DLG2: variants seen among roughly 807,000 people sequenced by gnomAD.
DLG2 encodes disks large homolog 2.
Under a neutral mutation model 132.5 loss-of-function variants are expected in DLG2, and 45 were observed. The ratio of observed to expected loss-of-function variants is 0.34; its 90% CI spans 0.27 to 0.44. The LOEUF is 0.44. Ranked by LOEUF, DLG2 falls within the 20% of genes least tolerant of loss-of-function variation. DLG2 has a pLI of 1.00. For missense variants in DLG2, 1,045 were observed against 1,196.9 expected, an observed-to-expected ratio of 0.87 and a Z score of 1.87; for synonymous variants, 424 against 419.6, an observed-to-expected ratio of 1.01 and a Z score of -0.13.
rs2090934003 is a variant in DLG2, at chr11:85,428,481, A to T, written c.41-143116T>A. On this transcript the variant is annotated intron_variant, in intron 3 of 27. Coordinates refer to ENST00000376104, the MANE Select transcript of DLG2 (RefSeq NM_001142699.3). Reference sequence around the variant, plus strand: ...ACTCAGGATTAAGAAACTCACTCAAAACCACATAACTACATGGAAACTGAA... The same window carrying T: ...ACTCAGGATTAAGAAACTCACTCAATACCACATAACTACATGGAAACTGAA... Among the ~76,000 whole-genome samples the T allele has an allele frequency of 3.9e-5, 6 of 152,330 alleles. No individual in the cohort carries two copies. The South Asian group carries it at 1.2e-3, about 32-fold the overall frequency.
chr11:84,666,005 T>G (rs935266300), intron 6 of DLG2, among the ~76,000 whole-genome samples: 1 of 152,160 alleles, frequency 6.6e-6, no homozygotes, highest in South Asian at 2.1e-4. Context: ...GTAGAACAAT[T>G]TCTCTAGCAT....
chr11:85,502,826 A>G (rs1291139928), intron 3 of DLG2, among the ~76,000 whole-genome samples: 4 of 152,160 alleles, frequency 2.6e-5, no homozygotes, highest in Admixed American at 1.3e-4. Flanking sequence ...ATTTTTAAAA[A>G]AGAAATATAC....
chr11:84,976,534 T>G (rs1424455702), intron 6 of DLG2, among the ~76,000 whole-genome samples: 1 of 152,144 alleles, frequency 6.6e-6, no homozygotes, highest in Non-Finnish European at 1.5e-5. Flanking sequence ...ATTTTTAAAT[T>G]TTCTTATCTT....
intron 6 of DLG2, among the ~76,000 whole-genome samples, chr11:84,538,079 T>A (rs1159488283): frequency 6.6e-6 from 1 of 152,216 alleles, no homozygotes; most frequent in African/African-American, 2.4e-5. Flanking sequence ...GACCATAAAT[T>A]ACTGAGTTAT....
chr11:83,813,500 G>T (rs773700770), intron 17 of DLG2, among the ~76,000 whole-genome samples: 1 of 152,052 alleles, frequency 6.6e-6, no homozygotes, highest in Non-Finnish European at 1.5e-5. Flanking sequence ...AGTGACACAA[G>T]GCCTTTTCAC....
chr11:84,626,062 G>A (rs1391974304), intron 6 of DLG2, among the ~76,000 whole-genome samples: 1 of 152,060 alleles, frequency 6.6e-6, no homozygotes, highest in Non-Finnish European at 1.5e-5. Flanking sequence ...ATTGAGGACC[G>A]ACTCTTTTGA....
chr11:84,859,443 TAC>T (rs532982808), intron 6 of DLG2, among the ~76,000 whole-genome samples: 3 of 145,264 alleles, frequency 2.1e-5, no homozygotes, highest in African/African-American at 7.6e-5. Flanking sequence ...TATGTATATA[TAC>T]ATACATATAT....
Position 85,216,515 on chromosome 11 carries a change from G to T in DLG2, c.187-61864C>A, listed in dbSNP as rs1300562024. ...GTATGCAGTTATGGGAGATTCCTAG[G>T]AAAGTTATACAGGTTCCATACTGCA... On this transcript the variant is annotated intron_variant, in intron 4 of 27. Coordinates refer to ENST00000376104, the MANE Select transcript of DLG2 (RefSeq NM_001142699.3). Among the ~76,000 whole-genome samples the T allele has an allele frequency of 3.3e-5, 5 of 152,194 alleles. No individual in the cohort carries two copies. In the East Asian group the frequency reaches 9.6e-4, roughly 29 times the overall value.
At chr11:83,548,806 C>T (rs77442468) in intron 19 of DLG2, among the ~76,000 whole-genome samples, 1 of 152,068 alleles carries the variant, frequency 6.6e-6, no homozygotes, top group Admixed American at 6.6e-5. Context: ...GAAGAAGCAG[C>T]CTTTCCTTCT....
chr11:83,783,503 G>A (rs529388391), intron 18 of DLG2, among the ~76,000 whole-genome samples: 9 of 152,214 alleles, frequency 5.9e-5, no homozygotes, highest in South Asian at 2.1e-4. Flanking sequence ...AATGAAAAGC[G>A]CAAGTAGTGA....
At chr11:84,229,487 T>C (rs1220673620) in intron 8 of DLG2, among the ~76,000 whole-genome samples, 1 of 152,170 alleles carries the variant, frequency 6.6e-6, no homozygotes, top group Non-Finnish European at 1.5e-5. Context: ...TGATGTAGCG[T>C]TGTGATATAG....
intron 18 of DLG2, chr11:83,682,262 A>C: frequency 1.0e-6 from 1 of 985,400 alleles, no homozygotes. Flanking sequence ...TCCGGTTCAC[A>C]CTTGCCTTTA....
At chr11:83,846,452 T>C (rs890015539) in intron 16 of DLG2, among the ~76,000 whole-genome samples, 2 of 152,222 alleles carry the variant, frequency 1.3e-5, no homozygotes, top group Non-Finnish European at 2.9e-5. Flanking sequence ...TGTTACATTG[T>C]TCTGTTTCTA....
intron 3 of DLG2, among the ~76,000 whole-genome samples, chr11:85,467,359 G>T (rs2092826335): frequency 6.6e-6 from 1 of 152,152 alleles, no homozygotes; most frequent in Non-Finnish European, 1.5e-5. Context: ...GAATAGGAGT[G>T]GTGAGAGAGG....
At chr11:83,497,869 C>G (rs1355532456) in intron 21 of DLG2, among the ~76,000 whole-genome samples, 1 of 151,310 alleles carries the variant, frequency 6.6e-6, no homozygotes, top group Admixed American at 6.6e-5. Flanking sequence ...AACTTTTTTC[C>G]CAATTAACCT....
At chr11:85,125,319 T>TA (rs1410665288) in intron 5 of DLG2, among the ~76,000 whole-genome samples, 1 of 152,234 alleles carries the variant, frequency 6.6e-6, no homozygotes, top group Non-Finnish European at 1.5e-5. Flanking sequence ...GGGCTAATGT[T>TA]ATGAAGTAAC....
At chr11:84,179,215 A>G (rs2096056331) in intron 8 of DLG2, among the ~76,000 whole-genome samples, 1 of 152,200 alleles carries the variant, frequency 6.6e-6, no homozygotes, top group Admixed American at 6.6e-5. Flanking sequence ...GAAATAATAA[A>G]TTTGCTAGAG....
At chr11:84,628,076 C>CTATA (rs200760854) in intron 6 of DLG2, among the ~76,000 whole-genome samples, 6 of 148,702 alleles carry the variant, frequency 4.0e-5, no homozygotes, top group African/African-American at 1.2e-4. Flanking sequence ...TGAAAAATGA[C>CTATA]TATATATATA....
At chr11:85,082,520 C>A (rs532196629) in intron 6 of DLG2, among the ~76,000 whole-genome samples, 2 of 152,086 alleles carry the variant, frequency 1.3e-5, no homozygotes, top group South Asian at 4.1e-4. Context: ...ACCAAAAAAG[C>A]AGAAGACCCT....
Sources: allele counts gnomAD v4.1 joint callset (sites outside exome capture counted in the v4.1 genomes callset), GRCh38; gene constraint gnomAD v4.1.1; transcripts MANE v1.5; gene names NCBI Gene and HGNC (gene_info 2026-07-23, HGNC 2026-07-21).